ACTR3C: variants seen among roughly 807,000 people sequenced by gnomAD.
ACTR3C encodes actin related protein 3C.
ACTR3C carries 18 observed loss-of-function variants against 26.3 expected under a neutral mutation model. The observed-to-expected ratio is 0.68, with a 90% confidence interval of 0.47 to 1.01. The LOEUF (loss-of-function observed/expected upper bound fraction) is 1.01. ACTR3C is among the 50% of genes least tolerant of loss of function. ACTR3C has a pLI of 0.00. For synonymous variants in ACTR3C, 55 were observed against 94.5 expected, an observed-to-expected ratio of 0.58 and a Z score of 2.42; for missense variants, 184 against 250.7, an observed-to-expected ratio of 0.73 and a Z score of 1.80.
chr7:150,139,987 T>TGCACACACATTCACACAC, the ACTR3C span, among the ~76,000 whole-genome samples: 2 of 104,634 alleles, frequency 1.9e-5, no homozygotes, highest in South Asian at 3.1e-4. Flanking sequence ...CACACACACA[T>TGCACACACATTCACACAC]ACGCATGCAC....
the ACTR3C span, among the ~76,000 whole-genome samples, chr7:150,183,457 A>G: frequency 6.7e-6 from 1 of 149,876 alleles, no homozygotes. Flanking sequence ...CTTGGTGCTT[A>G]TGTGTGCAGT....
chr7:150,047,975 C>G, the ACTR3C span: 1 of 1,208,314 alleles, frequency 8.3e-7, no homozygotes, highest in Non-Finnish European at 1.0e-6. Context: ...GCAGCAGCAG[C>G]AAGGCAAGCC....
chr7:150,095,402 C>T, the ACTR3C span, among the ~76,000 whole-genome samples: 4 of 150,574 alleles, frequency 2.7e-5, no homozygotes, highest in Admixed American at 2.0e-4. Flanking sequence ...TCAGATGGCC[C>T]AGGCAGCCAT....
At chr7:150,148,183 GAA>G in the ACTR3C span, among the ~76,000 whole-genome samples, 1 of 145,450 alleles carries the variant, frequency 6.9e-6, no homozygotes, top group African/African-American at 2.5e-5. Flanking sequence ...AAGAAAAGGG[GAA>G]AAAAAAAAAA....
the ACTR3C span, among the ~76,000 whole-genome samples, chr7:150,054,230 C>G: frequency 2.0e-5 from 3 of 152,198 alleles, no homozygotes; most frequent in Non-Finnish European, 2.9e-5. Context: ...ATGGAATAAG[C>G]CATTATTTCC....
the ACTR3C span, among the ~76,000 whole-genome samples, chr7:149,969,592 T>C: frequency 2.0e-5 from 3 of 152,308 alleles, no homozygotes; most frequent in African/African-American, 7.2e-5. Context: ...CTAAAGCAAA[T>C]GCAGTGTATT....
intron 1 of ACTR3C, among the ~76,000 whole-genome samples, chr7:150,318,384 C>G (rs1797150440): frequency 6.6e-6 from 1 of 152,136 alleles, no homozygotes; most frequent in African/African-American, 2.4e-5. Context: ...AACCGTGAGA[C>G]AATACATTTC....
rs532719508 is a variant in ACTR3C at position 150,274,679 on chromosome 7, G to A, written c.564+10074C>T. Among the ~76,000 whole-genome samples the A allele has an allele frequency of 3.3e-5, 5 of 152,348 alleles. No individual in the cohort carries two copies. In the South Asian group the frequency reaches 6.2e-4, roughly 19 times the overall value. ...GGGGCTGGGGAATGAGTGCAGTCACGATGCTAGGAAGCGGCTCAGCCCACG... is the reference window on the plus strand; with the variant it reads ...GGGGCTGGGGAATGAGTGCAGTCACAATGCTAGGAAGCGGCTCAGCCCACG... On this transcript the variant is annotated intron_variant, in intron 6 of 7. Transcript: ENST00000683684. The surrounding 1 kb of genome is among the most constrained non-coding windows in gnomAD (Gnocchi z 4.1).
chr7:150,303,042 C>T (rs1468424873), intron 1 of ACTR3C: 2 of 152,238 alleles, frequency 1.3e-5, no homozygotes, highest in African/African-American at 4.8e-5. Context: ...GTTGCTCTTA[C>T]CAACACTGCA....
chr7:150,049,659 CT>C, the ACTR3C span, among the ~76,000 whole-genome samples: 1 of 152,268 alleles, frequency 6.6e-6, no homozygotes, highest in Non-Finnish European at 1.5e-5. Flanking sequence ...CTCTGTTTCC[CT>C]AACTGCGGGG....
the ACTR3C span, among the ~76,000 whole-genome samples, chr7:150,198,637 C>CCT: frequency 6.9e-6 from 1 of 145,696 alleles, no homozygotes; most frequent in Non-Finnish European, 1.5e-5. Context: ...GTGAGGAGAT[C>CCT]CTCCGCCCGG....
the ACTR3C span, among the ~76,000 whole-genome samples, chr7:150,012,415 C>T: frequency 2.8e-4 from 42 of 151,432 alleles, no homozygotes; most frequent in Non-Finnish European, 4.0e-4. Flanking sequence ...CCCGGGTTCA[C>T]GCCATTCTCC....
At chr7:150,191,137 T>C in the ACTR3C span, among the ~76,000 whole-genome samples, 1 of 152,362 alleles carries the variant, frequency 6.6e-6, no homozygotes, top group African/African-American at 2.4e-5. Context: ...ATAAAATACA[T>C]CTTGAAATCA....
intron 6 of ACTR3C, chr7:150,264,489 A>G (rs551118631): frequency 1.6e-6 from 1 of 627,944 alleles, no homozygotes; most frequent in South Asian, 7.3e-5. Flanking sequence ...GCAAATGAGA[A>G]GAATGTGGAA....
chr7:150,184,266 TCTCAGCACATCAC>T, the ACTR3C span, among the ~76,000 whole-genome samples: 1 of 150,738 alleles, frequency 6.6e-6, no homozygotes, highest in Non-Finnish European at 1.5e-5. Context: ...ATCCCTTAAC[TCTCAGCACATCAC>T]CTGCAGGCCA....
the ACTR3C span, among the ~76,000 whole-genome samples, chr7:150,042,725 C>T: frequency 1.3e-5 from 2 of 151,732 alleles, no homozygotes; most frequent in Non-Finnish European, 2.9e-5. Context: ...AGGGCAGTTG[C>T]TGCCAAGGCC....
At chr7:150,281,619 C>G (rs1429102473) in intron 6 of ACTR3C, among the ~76,000 whole-genome samples, 4 of 151,628 alleles carry the variant, frequency 2.6e-5, no homozygotes, top group Non-Finnish European at 4.4e-5. Flanking sequence ...GACTCTTCCA[C>G]AGTCTTTCCT....
At chr7:149,892,347 A>G in the ACTR3C span, 7 of 1,604,606 alleles carry the variant, frequency 4.4e-6, no homozygotes, top group East Asian at 1.6e-4. Context: ...TCCCCTCAAC[A>G]CTCTCCTTTG....
At chr7:149,922,597 T>C in the ACTR3C span, among the ~76,000 whole-genome samples, 2 of 152,048 alleles carry the variant, frequency 1.3e-5, no homozygotes, top group African/African-American at 2.4e-5. Context: ...CTCCTGCAAA[T>C]GGATCCACAC....
Sources: gnomAD v4.1 joint callset for allele counts (sites outside exome capture counted in the v4.1 genomes callset) on GRCh38, gnomAD v4.1.1 for gene constraint, Gnocchi (gnomAD v3.1) non-coding constraint, MANE v1.5 for transcripts, NCBI Gene and HGNC (gene_info 2026-07-23, HGNC 2026-07-21) for gene names.